Variants in MYO16 observed in about 807,000 individuals in gnomAD.
The protein encoded by MYO16 is unconventional myosin-XVI.
In MYO16, 94 loss-of-function variants were observed where a neutral mutation model predicts 205.3. The observed-to-expected ratio is 0.46, with a 90% CI of 0.39 to 0.54. The LOEUF is 0.54. Among genes scored for constraint, MYO16 ranks in the 20% least tolerant of loss-of-function variants. MYO16 has a pLI of 0.00. For synonymous variants in MYO16, 988 were observed against 954.0 expected, an observed-to-expected ratio of 1.04 and a Z score of -0.66; for missense variants, 2,315 against 2,387.5, an observed-to-expected ratio of 0.97 and a Z score of 0.63.
In MYO16 at chr13:108,620,253, T is replaced by C. The variant is rs563159092; in HGVS notation, c.-39+24014T>C. ...AAATGGAGGTCATTTCCTAGAAATATTCACTTAGAAGCTTATTTATAACTT... is the reference window on the plus strand; with the variant it reads ...AAATGGAGGTCATTTCCTAGAAATACTCACTTAGAAGCTTATTTATAACTT... On this transcript the variant is annotated intron_variant, in intron 1 of 24. Coordinates refer to the MYO16 transcript ENST00000251041. Among the ~76,000 whole-genome samples, 7 of 152,300 alleles carry C rather than the reference T, an allele frequency of 4.6e-5. No homozygotes were observed. In the South Asian group the frequency reaches 1.4e-3, roughly 32 times the overall value.
At chr13:108,635,960 C>T (rs1880207243) in intron 1 of MYO16, among the ~76,000 whole-genome samples, 1 of 151,894 alleles carries the variant, frequency 6.6e-6, no homozygotes, top group East Asian at 1.9e-4. Flanking sequence ...TTTTCTACAT[C>T]TTAATCTAAA....
At chr13:108,740,411 A>G (rs560287968) in intron 4 of MYO16, among the ~76,000 whole-genome samples, 27 of 152,226 alleles carry the variant, frequency 1.8e-4, no homozygotes, top group Non-Finnish European at 2.9e-4. Flanking sequence ...TCCAGACCCT[A>G]TTTGCCTGGG....
At chr13:109,023,234 AG>A in intron 23 of MYO16, among the ~76,000 whole-genome samples, 2 of 109,410 alleles carry the variant, frequency 1.8e-5, no homozygotes, top group African/African-American at 7.3e-5. Flanking sequence ...TATATTATAC[AG>A]ATATAAATAT....
chr13:109,123,764 C>A (rs932749097), intron 29 of MYO16, among the ~76,000 whole-genome samples: 1 of 152,200 alleles, frequency 6.6e-6, no homozygotes, highest in African/African-American at 2.4e-5. Flanking sequence ...GTAGAACGTT[C>A]TGTTCAGCTT....
At position 108,820,622 on chromosome 13, in the gene MYO16, C is replaced by A. The variant is rs530049819; in HGVS notation, c.943+210C>A. On this transcript the variant is annotated intron_variant, in intron 8 of 34. Coordinates refer to ENST00000457511, the MANE Select transcript of MYO16 (RefSeq NM_001198950.3). ...ATAGCCTCCATTGCAAGAGGCTATT[C>A]ACAGTTTAATCTACACTGTACTGTT... 1.3e-4 allele frequency among the ~76,000 whole-genome samples: 20 copies of A among 151,838 alleles called. No homozygotes were observed. In the South Asian group the frequency reaches 4.0e-3, roughly 30 times the overall value.
chr13:108,966,477 C>T (rs1165448427), intron 20 of MYO16, among the ~76,000 whole-genome samples: 3 of 152,184 alleles, frequency 2.0e-5, no homozygotes, highest in Non-Finnish European at 4.4e-5. Context: ...CAAACACACA[C>T]CCAGAGAAAA....
chr13:109,140,833 C>T lies in MYO16; in HGVS notation c.4621C>T (p.Leu1541=). 1.3e-6 allele frequency: 2 copies of T among 1,595,104 alleles called. No homozygotes were observed. Among genetic ancestry groups the T allele is most frequent in the South Asian group, 2.2e-5 (2 of 88,916 alleles). Residue 1541 remains leucine (L), a synonymous_variant, in exon 32 of 35, where the codon CTG becomes TTG. Transcript: ENST00000457511. This position sits in a 1 kb window ranked among gnomAD's most constrained non-coding sequence, Gnocchi z 8.0. ...CCTGACACCCCTGGAGGTGAAGAAGCTGCCAGTCCTGGAGACCAACCTCAA... is the reference window on the plus strand; with the variant it reads ...CCTGACACCCCTGGAGGTGAAGAAGTTGCCAGTCCTGGAGACCAACCTCAA... ...SPLTPLEVKK[L]PVLETNLKYP...
chr13:108,564,158 A>C, the MYO16 span, among the ~76,000 whole-genome samples: 1 of 148,900 alleles, frequency 6.7e-6, no homozygotes. Context: ...ATGTTTATTC[A>C]AATCTATTGC....
intron 2 of MYO16, among the ~76,000 whole-genome samples, chr13:108,695,101 AAACTCC>A: frequency 6.6e-6 from 1 of 152,208 alleles, no homozygotes; most frequent in African/African-American, 2.4e-5. Flanking sequence ...AACAAGAGTG[AAACTCC>A]GTTTCAAAAA....
chr13:108,589,903 G>T, the MYO16 span, among the ~76,000 whole-genome samples: 1 of 152,144 alleles, frequency 6.6e-6, no homozygotes, highest in Non-Finnish European at 1.5e-5. Flanking sequence ...AAGGTGTTAA[G>T]ATGTCATTAA....
chr13:109,024,951 G>A (rs962149571), intron 23 of MYO16, among the ~76,000 whole-genome samples: 8 of 152,130 alleles, frequency 5.3e-5, no homozygotes, highest in South Asian at 2.1e-4. Context: ...ATCAAGACAC[G>A]TAGAAAAAGT....
intron 20 of MYO16, among the ~76,000 whole-genome samples, chr13:108,966,938 G>C (rs189022545): frequency 6.6e-6 from 1 of 151,986 alleles, no homozygotes; most frequent in East Asian, 1.9e-4. Context: ...TGTTGTAATC[G>C]TGTCAAAAAA....
chr13:108,607,952 T>C (rs1015494961), intron 1 of MYO16, among the ~76,000 whole-genome samples: 1 of 152,194 alleles, frequency 6.6e-6, no homozygotes, highest in Non-Finnish European at 1.5e-5. Context: ...CCTACAGTGC[T>C]CTCTCTCAGC....
At chr13:108,750,249 T>C (rs556926112) in intron 4 of MYO16, among the ~76,000 whole-genome samples, 1 of 152,180 alleles carries the variant, frequency 6.6e-6, no homozygotes, top group East Asian at 1.9e-4. Context: ...TGAACCTTAA[T>C]GTATGTAAAC....
At chr13:108,751,616 C>T (rs1243043990) in intron 4 of MYO16, among the ~76,000 whole-genome samples, 1 of 152,012 alleles carries the variant, frequency 6.6e-6, no homozygotes. Context: ...GGGAGAAAAA[C>T]AAGTGACTTT....
intron 20 of MYO16, among the ~76,000 whole-genome samples, chr13:108,989,513 T>C (rs1341421345): frequency 6.6e-6 from 1 of 152,204 alleles, no homozygotes; most frequent in Non-Finnish European, 1.5e-5. Context: ...TATATTGCTT[T>C]CTTAATTTAT....
the MYO16 span, among the ~76,000 whole-genome samples, chr13:108,590,593 G>A: frequency 6.6e-6 from 1 of 152,194 alleles, no homozygotes; most frequent in Non-Finnish European, 1.5e-5. Context: ...CTGGAGTAGG[G>A]TGGGCCCTGA....
chr13:108,955,672 G>T (rs1883321265), intron 16 of MYO16, among the ~76,000 whole-genome samples: 1 of 152,176 alleles, frequency 6.6e-6, no homozygotes, highest in Non-Finnish European at 1.5e-5. Flanking sequence ...CCAAGATGGT[G>T]AAAACTCGTC....
the MYO16 span, among the ~76,000 whole-genome samples, chr13:108,576,202 A>C: frequency 6.6e-6 from 1 of 152,230 alleles, no homozygotes; most frequent in Admixed American, 6.5e-5. Context: ...GTAGCACTAG[A>C]GACAGGTCAG....
Sources: gnomAD v4.1 joint callset for allele counts (sites outside exome capture counted in the v4.1 genomes callset) on GRCh38, gnomAD v4.1.1 for gene constraint, Gnocchi (gnomAD v3.1) non-coding constraint, MANE v1.5 for transcripts, NCBI Gene and HGNC (gene_info 2026-07-23, HGNC 2026-07-21) for gene names.